Variants in NF1 observed in about 807,000 individuals in gnomAD.
The protein encoded by NF1 is neurofibromin 1, also known as neurofibromin.
A neutral mutation model predicts 325.7 loss-of-function variants in NF1; 122 were observed. The observed-to-expected ratio is 0.37, with a 90% confidence interval of 0.32 to 0.44. The LOEUF (loss-of-function observed/expected upper bound fraction) is 0.44. Among genes scored for constraint, NF1 ranks in the 20% least tolerant of loss-of-function variants. The probability of loss-of-function intolerance (pLI) is 1.00; values close to 1 mark genes in which losing one functional copy is unlikely to be tolerated. For missense variants in NF1, 2,140 were observed against 3,415.4 expected, an observed-to-expected ratio of 0.63 and a Z score of 9.31; for synonymous variants, 1,091 against 1,186.0, an observed-to-expected ratio of 0.92 and a Z score of 1.65.
intron 8 of NF1, among the ~76,000 whole-genome samples, chr17:31,193,407 T>C (rs1194986522): frequency 2.0e-5 from 3 of 152,182 alleles, no homozygotes; most frequent in African/African-American, 4.8e-5. Context: ...TCTGGGCTTA[T>C]GCGATCTTCT....
intron 46 of NF1, among the ~76,000 whole-genome samples, chr17:31,339,290 G>A (rs887930699): frequency 7.2e-5 from 11 of 152,106 alleles, no homozygotes; most frequent in Admixed American, 2.0e-4. Context: ...ATACTTGATC[G>A]TCATAAGAGT....
intron 36 of NF1, chr17:31,305,440 C>T (rs760956267): frequency 1.2e-6 from 2 of 1,614,120 alleles, no homozygotes; most frequent in South Asian, 1.1e-5. Flanking sequence ...TGTTGGTTGA[C>T]CCAAAGGATT....
rs1161565649 is a variant in NF1, at chr17:31,375,480, G to A, written c.*1325G>A. ...GTAATGCAGATCCAATTTCTTTGTG[G>A]TACCTGCAGTTTACAAAATAATTTG... On this transcript the variant is annotated 3_prime_UTR_variant, in exon 58 of 58. Transcript: ENST00000358273. 1 of 231,456 alleles carries A rather than the reference G, an allele frequency of 4.3e-6. No homozygotes were observed. The highest frequency in any genetic ancestry group is 2.2e-5 in the African/African-American group (1 of 45,224). The allele number at this position is 231,456 out of a possible 1,614,324, so 14.3% of individuals were successfully genotyped here.
intron 53 of NF1, 51 bp from the exon 54 acceptor site, chr17:31,357,218 T>C (rs1314994271): frequency 6.3e-7 from 1 of 1,599,396 alleles, no homozygotes. Context: ...CAGATAACAA[T>C]TCAGCCACAA....
chr17:31,192,567 G>A (rs1185175202), intron 8 of NF1, among the ~76,000 whole-genome samples: 1 of 152,156 alleles, frequency 6.6e-6, no homozygotes, highest in East Asian at 1.9e-4. Flanking sequence ...GAGAGAGAAG[G>A]TTGTAAAATG....
At chr17:31,182,783 G>A in intron 8 of NF1, 118 bp downstream of exon 8, 1 of 985,748 alleles carries the variant, frequency 1.0e-6, no homozygotes. Flanking sequence ...CCATTTAAAT[G>A]ATCATTTTAG....
At chr17:31,347,148 T>A (rs1458477906) in intron 48 of NF1, among the ~76,000 whole-genome samples, 1 of 151,510 alleles carries the variant, frequency 6.6e-6, no homozygotes, top group Non-Finnish European at 1.5e-5. Flanking sequence ...TGTATAGAAG[T>A]AATAAGACCA....
chr17:31,152,164 G>A, intron 1 of NF1, among the ~76,000 whole-genome samples: 1 of 103,878 alleles, frequency 9.6e-6, no homozygotes, highest in East Asian at 2.7e-4. Context: ...TCTGATGAGA[G>A]TCTAATTTTT....
chr17:31,320,343 T>TTAAAAAAA lies in NF1; in HGVS notation c.4836-5477_4836-5476insTAAAAAAA. 3 of 1,176,304 alleles carry TTAAAAAAA rather than the reference T, an allele frequency of 2.6e-6. 1 individual carries two copies. Among genetic ancestry groups the TTAAAAAAA allele is most frequent in the South Asian group, 3.4e-5 (2 of 59,662 alleles). 72.9% of individuals were successfully genotyped at this position (1,176,304 alleles called of 1,614,324 possible). A position where few individuals can be genotyped will look rare whatever the true frequency, so the allele number is the denominator to read the frequency against. ...AAATGTACTTAGGAGTCCTTTTATT[T>TTAAAAAAA]AAAAAAAAAAAAAAAAGGCAGATTC... On this transcript the variant is annotated intron_variant, in intron 36 of 57. Transcript: ENST00000358273.
At chr17:31,372,153 C>A (rs1346014622) in intron 57 of NF1, among the ~76,000 whole-genome samples, 1 of 152,108 alleles carries the variant, frequency 6.6e-6, no homozygotes, top group Non-Finnish European at 1.5e-5. Flanking sequence ...GAATAAAGTA[C>A]AAATTAGCTG....
intron 36 of NF1, among the ~76,000 whole-genome samples, chr17:31,278,407 GTTTTTTTTTTT>G (rs376109355): frequency 3.2e-4 from 35 of 109,556 alleles, no homozygotes; most frequent in East Asian, 1.1e-3. Context: ...GATTTTTTGG[GTTTTTTTTTTT>G]TTTTTTTTTT....
At chr17:31,280,492 G>A (rs1337284056) in intron 36 of NF1, among the ~76,000 whole-genome samples, 4 of 132,320 alleles carry the variant, frequency 3.0e-5, no homozygotes, top group African/African-American at 8.8e-5. Flanking sequence ...ACTCCAGCCT[G>A]AGCGACAGAG....
rs78202398 is a variant in NF1 at position 31,208,335 on chromosome 17, G to C, written c.1392+1964G>C. Among the ~76,000 whole-genome samples the C allele has an allele frequency of 7.6e-3, 1,162 of 152,236 alleles. 19 individuals carry two copies. Among genetic ancestry groups the C allele is most frequent in the African/African-American group, 0.027 (1,119 of 41,544 alleles). Reference sequence around the variant, plus strand: ...CTTTTGGGCTGATATTACCAGGAGAGAAAATAAATAGCAAATGTAATATGA... The same window carrying C: ...CTTTTGGGCTGATATTACCAGGAGACAAAATAAATAGCAAATGTAATATGA... On this transcript the variant is annotated intron_variant, in intron 12 of 57. Coordinates refer to ENST00000358273, the MANE Select transcript of NF1 (RefSeq NM_001042492.3).
rs148490234 is a variant in NF1 at position 31,159,353 on chromosome 17, T to G, written c.288+260T>G. ...TCAGCCACGTATCTGTCTCTCAGGT[T>G]TTTAGGAAAATATTTTATGAAGAGA... On this transcript the variant is annotated intron_variant, in intron 3 of 57. Coordinates refer to ENST00000358273, the MANE Select transcript of NF1 (RefSeq NM_001042492.3). Among the ~76,000 whole-genome samples, 84 of 152,326 alleles carry G rather than the reference T, an allele frequency of 5.5e-4. 2 individuals carry two copies. The East Asian group carries it at 0.012, about 22-fold the overall frequency.
At chr17:31,314,834 G>A (rs755245743) in intron 36 of NF1, among the ~76,000 whole-genome samples, 14 of 152,076 alleles carry the variant, frequency 9.2e-5, no homozygotes, top group Admixed American at 1.3e-4. Context: ...TGGGATTGCT[G>A]GATCATATGA....
chr17:31,145,039 A>G (rs1217538889), intron 1 of NF1, among the ~76,000 whole-genome samples: 3 of 152,216 alleles, frequency 2.0e-5, no homozygotes, highest in Non-Finnish European at 4.4e-5. Context: ...CTCTGACCGC[A>G]TCCCCTAGAT....
intron 36 of NF1, among the ~76,000 whole-genome samples, chr17:31,322,777 A>G (rs1369270781): frequency 6.6e-6 from 1 of 152,218 alleles, no homozygotes; most frequent in Admixed American, 6.5e-5. Context: ...GAGGCTTAGT[A>G]TACAACACAT....
At chr17:31,246,630 TA>T (rs1208461453) in intron 29 of NF1, among the ~76,000 whole-genome samples, 9 of 152,166 alleles carry the variant, frequency 5.9e-5, no homozygotes, top group African/African-American at 1.9e-4. Flanking sequence ...GTGAGTTTCA[TA>T]AGGGGTGTAT....
intron 12 of NF1, among the ~76,000 whole-genome samples, chr17:31,207,289 C>T (rs2066641363): frequency 6.6e-6 from 1 of 152,022 alleles, no homozygotes; most frequent in Non-Finnish European, 1.5e-5. Context: ...CTTGTCATTT[C>T]AACTGAAAAT....
Sources: allele counts gnomAD v4.1 joint callset (sites outside exome capture counted in the v4.1 genomes callset), GRCh38; gene constraint gnomAD v4.1.1; transcripts MANE v1.5; gene names NCBI Gene and HGNC (gene_info 2026-07-23, HGNC 2026-07-21).